RABGAP1L: variants seen among roughly 807,000 people sequenced by gnomAD.
RABGAP1L encodes the protein rab GTPase-activating protein 1-like.
In RABGAP1L, 63 loss-of-function variants were observed where a neutral mutation model predicts 137.7. The observed-to-expected ratio is 0.46, with a 90% CI of 0.37 to 0.56. The LOEUF is 0.56. Among genes scored for constraint, RABGAP1L ranks in the 20% least tolerant of loss-of-function variants. The pLI, the probability that RABGAP1L is intolerant of heterozygous loss-of-function variation, is 0.00. For synonymous variants in RABGAP1L, 431 were observed against 433.7 expected, an observed-to-expected ratio of 0.99 and a Z score of 0.08; for missense variants, 1,095 against 1,244.0, an observed-to-expected ratio of 0.88 and a Z score of 1.80.
intron 14 of RABGAP1L, among the ~76,000 whole-genome samples, chr1:174,670,070 C>CTA (rs1158197512): frequency 6.6e-6 from 1 of 151,932 alleles, no homozygotes; most frequent in Non-Finnish European, 1.5e-5. Flanking sequence ...TCACTTTGGA[C>CTA]TATATGGGCA....
chr1:174,914,072 C>T (rs940928933), intron 19 of RABGAP1L, among the ~76,000 whole-genome samples: 4 of 152,116 alleles, frequency 2.6e-5, no homozygotes, highest in African/African-American at 4.8e-5. Flanking sequence ...GCAAACAGTC[C>T]GTAAAGATAG....
intron 24 of RABGAP1L, among the ~76,000 whole-genome samples, chr1:174,988,345 G>T (rs1235786676): frequency 1.3e-5 from 2 of 152,108 alleles, no homozygotes; most frequent in Non-Finnish European, 2.9e-5. Flanking sequence ...GTGGGGCTTG[G>T]CATCTAGTAA....
chr1:174,520,091 T>C (rs1164194765), intron 13 of RABGAP1L, among the ~76,000 whole-genome samples: 2 of 152,168 alleles, frequency 1.3e-5, no homozygotes, highest in Non-Finnish European at 2.9e-5. Flanking sequence ...GATGGCAGAT[T>C]TTACTATTTA....
At chr1:174,874,467 G>A in intron 19 of RABGAP1L, 1 of 984,966 alleles carries the variant, frequency 1.0e-6, no homozygotes, top group Non-Finnish European at 1.2e-6. Flanking sequence ...TACCGGGAGT[G>A]TGGCTGGTTT....
At chr1:174,800,402 A>C (rs1688647508) in intron 18 of RABGAP1L, 1 of 1,550,740 alleles carries the variant, frequency 6.4e-7, no homozygotes, top group South Asian at 1.2e-5. Flanking sequence ...GTCCCAGGAC[A>C]TGCACGACGA....
At chr1:174,360,803 ATCTCC>A (rs1433260409) in intron 11 of RABGAP1L, among the ~76,000 whole-genome samples, 2 of 152,102 alleles carry the variant, frequency 1.3e-5, no homozygotes, top group Non-Finnish European at 2.9e-5. Context: ...TCTAGTTTTC[ATCTCC>A]TCTCTTAATA....
chr1:174,699,809 CATA>C (rs948149816), intron 16 of RABGAP1L, among the ~76,000 whole-genome samples, 159 bp downstream of exon 16: 10 of 152,232 alleles, frequency 6.6e-5, no homozygotes, highest in Middle Eastern at 3.4e-3. Flanking sequence ...ATTGGTCTAT[CATA>C]ATATGTTTAT....
At chr1:174,759,614 A>G (rs1685060324) in intron 18 of RABGAP1L, among the ~76,000 whole-genome samples, 1 of 152,062 alleles carries the variant, frequency 6.6e-6, no homozygotes, top group Non-Finnish European at 1.5e-5. Flanking sequence ...AAAAAGAAAA[A>G]AAATGGTTTT....
intron 13 of RABGAP1L, among the ~76,000 whole-genome samples, chr1:174,439,854 C>G (rs1653920843): frequency 6.6e-6 from 1 of 152,158 alleles, no homozygotes; most frequent in African/African-American, 2.4e-5. Flanking sequence ...AATGCAATGG[C>G]AAAGAAAGCA....
chr1:174,876,687 G>T (rs1653161574), intron 19 of RABGAP1L, among the ~76,000 whole-genome samples: 1 of 152,098 alleles, frequency 6.6e-6, no homozygotes, highest in South Asian at 2.1e-4. Flanking sequence ...AAGATGAAGA[G>T]AACTTTTATC....
chr1:174,760,217 G>C (rs1685110164), intron 18 of RABGAP1L, among the ~76,000 whole-genome samples: 1 of 151,732 alleles, frequency 6.6e-6, no homozygotes, highest in African/African-American at 2.4e-5. Context: ...AGGGGTACTT[G>C]TGTAGGTCTG....
rs927557003 is a variant in RABGAP1L, at chr1:174,320,271, C to A, written c.1465+15144C>A. On this transcript the variant is annotated intron_variant, in intron 11 of 25. Transcript: ENST00000681986. ...GTTTCCCCTCACTTGTGGTTCCTGG[C>A]AACCAGTGATCTATTTTCTGTCATT... Among the ~76,000 whole-genome samples, 103 of 152,264 alleles carry A rather than the reference C, an allele frequency of 6.8e-4. 1 individual carries two copies. The highest frequency in any genetic ancestry group is 2.3e-3 in the African/African-American group (94 of 41,550).
At chr1:174,448,000 C>G in intron 13 of RABGAP1L, 1 of 823,844 alleles carries the variant, frequency 1.2e-6, no homozygotes, top group Non-Finnish European at 2.0e-6. Flanking sequence ...GAAGCACTGA[C>G]ACTGTCTACT....
rs1672288992 is a variant in RABGAP1L, at chr1:174,995,122, T to C, written c.*5121T>C. 1 of 152,256 alleles carries C rather than the reference T, an allele frequency of 6.6e-6. No individual in the cohort carries two copies. The highest frequency in any genetic ancestry group is 2.4e-5 in the African/African-American group (1 of 41,466). 9.4% of individuals were successfully genotyped at this position (152,256 alleles called of 1,614,324 possible). On this transcript the variant is annotated 3_prime_UTR_variant, in exon 26 of 26. Transcript: ENST00000681986. ...CATTGTCCCAACAAATGTTTACTTT[T>C]ATAATCGTTATGAACTTGAATTGGA...
chr1:174,184,125 C>G (rs1337818903), intron 1 of RABGAP1L, among the ~76,000 whole-genome samples: 1 of 152,110 alleles, frequency 6.6e-6, no homozygotes. Flanking sequence ...CCTCGGCCTC[C>G]CAAAGTGCTG....
intron 13 of RABGAP1L, among the ~76,000 whole-genome samples, chr1:174,413,780 T>C (rs1650215535): frequency 6.6e-6 from 1 of 152,170 alleles, no homozygotes; most frequent in African/African-American, 2.4e-5. Flanking sequence ...GGCTGTGCAA[T>C]TTAATGTACA....
At chr1:174,181,558 C>T (rs188469346) in intron 1 of RABGAP1L, among the ~76,000 whole-genome samples, 46 of 152,152 alleles carry the variant, frequency 3.0e-4, no homozygotes, top group Admixed American at 1.6e-3. Context: ...AGGATGGTCT[C>T]GATCTCATGA....
intron 11 of RABGAP1L, among the ~76,000 whole-genome samples, chr1:174,339,834 T>C (rs1681814823): frequency 6.6e-6 from 1 of 152,160 alleles, no homozygotes; most frequent in Non-Finnish European, 1.5e-5. Flanking sequence ...CTCGTACTCC[T>C]GACCTCAAGT....
At chr1:174,412,510 A>T (rs1650055272) in intron 13 of RABGAP1L, among the ~76,000 whole-genome samples, 1 of 152,058 alleles carries the variant, frequency 6.6e-6, no homozygotes, top group South Asian at 2.1e-4. Context: ...TAAAGTTGTT[A>T]GTTGGTTGCT....
Sources: allele counts gnomAD v4.1 joint callset (sites outside exome capture counted in the v4.1 genomes callset), GRCh38; gene constraint gnomAD v4.1.1; transcripts MANE v1.5; gene names NCBI Gene and HGNC (gene_info 2026-07-23, HGNC 2026-07-21).